Variants in ADAM32 observed in about 807,000 individuals in gnomAD.
The protein encoded by ADAM32 is disintegrin and metalloproteinase domain-containing protein 32.
ADAM32 carries 89 observed loss-of-function variants against 114.9 expected under a neutral mutation model. That is an observed-to-expected ratio of 0.77 (90% CI 0.65 to 0.92). The LOEUF is 0.92. Among genes scored for constraint, ADAM32 ranks in the 40% least tolerant of loss-of-function variants. The pLI is 0.00. For synonymous variants in ADAM32, 285 were observed against 307.5 expected (o/e 0.93, Z 0.77); for missense variants, 870 against 932.8 (o/e 0.93, Z 0.88).
At chr8:39,279,971 G>C (rs147698481) in intron 22 of ADAM32, among the ~76,000 whole-genome samples, 22 of 152,262 alleles carry the variant, frequency 1.4e-4, no homozygotes, top group East Asian at 1.4e-3. Flanking sequence ...TCAGATTTGC[G>C]AGTAGTGGAA....
At chr8:39,115,223 G>C (rs1180876393) in intron 1 of ADAM32, among the ~76,000 whole-genome samples, 1 of 151,988 alleles carries the variant, frequency 6.6e-6, no homozygotes, top group African/African-American at 2.4e-5. Context: ...TATTCCCTTG[G>C]GTATATACTC....
intron 16 of ADAM32, among the ~76,000 whole-genome samples, chr8:39,245,046 A>G (rs747532185): frequency 3.9e-5 from 6 of 152,212 alleles, no homozygotes; most frequent in Non-Finnish European, 8.8e-5. Flanking sequence ...TAGCAAAAAT[A>G]TAATCAGCAG....
chr8:39,175,914 G>T (rs961927062), intron 10 of ADAM32, among the ~76,000 whole-genome samples: 5 of 152,024 alleles, frequency 3.3e-5, no homozygotes, highest in African/African-American at 1.2e-4. Context: ...GTCTTGGAAG[G>T]GTGTTATGTG....
chr8:39,281,291 C>A, intron 23 of ADAM32, 117 bp downstream of exon 23: 1 of 374,046 alleles, frequency 2.7e-6, no homozygotes, highest in South Asian at 7.7e-5. Flanking sequence ...TCGATAAAGT[C>A]TACACCAAAC....
At chr8:39,189,034 T>C (rs944634606) in intron 11 of ADAM32, among the ~76,000 whole-genome samples, 14 of 152,174 alleles carry the variant, frequency 9.2e-5, no homozygotes, top group Non-Finnish European at 1.8e-4. Context: ...TTAATTAGTG[T>C]ACACACTTTA....
chr8:39,218,616 AG>A (rs572730651), intron 12 of ADAM32, among the ~76,000 whole-genome samples: 121 of 151,936 alleles, frequency 8.0e-4, no homozygotes, highest in Middle Eastern at 3.2e-3. Context: ...TTTTTCCCAT[AG>A]GCTAAGGACC....
At chr8:39,229,783 A>G (rs551356089) in intron 14 of ADAM32, among the ~76,000 whole-genome samples, 12 of 152,302 alleles carry the variant, frequency 7.9e-5, no homozygotes, top group African/African-American at 2.6e-4. Context: ...ACAGCACCAG[A>G]CAGTCATCGA....
At chr8:39,257,537 A>G (rs1811730237) in intron 19 of ADAM32, among the ~76,000 whole-genome samples, 194 bp downstream of exon 19, 1 of 152,104 alleles carries the variant, frequency 6.6e-6, no homozygotes, top group Non-Finnish European at 1.5e-5. Context: ...AGTGTAATTT[A>G]CATAGTTTGC....
At chr8:39,205,155 G>C (rs574938899) in intron 11 of ADAM32, among the ~76,000 whole-genome samples, 2 of 152,220 alleles carry the variant, frequency 1.3e-5, no homozygotes. Flanking sequence ...CTCCAAAGCT[G>C]TCAGACAGGG....
rs541401129 is a variant in ADAM32, at chr8:39,223,172, A to G, written c.1459A>G (p.Lys487Glu). Residue 487 changes from lysine to glutamate, a missense_variant, in exon 14 of 25, where the codon AAG becomes GAG. By Grantham distance (56) the Lys-to-Glu change is moderately conservative. Transcript: ENST00000379907. ...CAATGGACTTTCATGCAAAAATAAT[A>G]AGTTTATTTGTTATGACGGAGACTG... Reference protein sequence around the residue: ...LINGLSCKNNKFICYDGDCHD... With the variant: ...LINGLSCKNNEFICYDGDCHD... 1.6e-5 allele frequency: 25 copies of G among 1,601,122 alleles called. 1 individual carries two copies. In the South Asian group the frequency reaches 2.6e-4, roughly 17 times the overall value.
rs10094718 is a variant in ADAM32, at chr8:39,272,190, G to A, written c.2201+1276G>A. Among the ~76,000 whole-genome samples the A allele has an allele frequency of 5.5e-3, 828 of 151,330 alleles. 3 individuals are homozygous for A. The highest frequency in any genetic ancestry group is 0.019 in the African/African-American group (769 of 41,266). Reference sequence around the variant, plus strand: ...GAATAGGGACAAAATGCAATTTATTGATGATTAAAAGAACAGAACAATTAG... The same window carrying A: ...GAATAGGGACAAAATGCAATTTATTAATGATTAAAAGAACAGAACAATTAG... On this transcript the variant is annotated intron_variant, in intron 20 of 24. Coordinates refer to ENST00000379907, the MANE Select transcript of ADAM32 (RefSeq NM_145004.7).
At chr8:39,261,576 G>C (rs1325361764) in intron 19 of ADAM32, among the ~76,000 whole-genome samples, 1 of 152,158 alleles carries the variant, frequency 6.6e-6, no homozygotes, top group African/African-American at 2.4e-5. Flanking sequence ...ATACCCAGTG[G>C]TGTGATTGCT....
chr8:39,108,387 T>C (rs1056058783), intron 1 of ADAM32, among the ~76,000 whole-genome samples: 9 of 152,214 alleles, frequency 5.9e-5, no homozygotes, highest in African/African-American at 2.2e-4. Flanking sequence ...CTCCAGATCG[T>C]AGTTCTCCAG....
intron 10 of ADAM32, among the ~76,000 whole-genome samples, chr8:39,172,339 G>GT (rs1554605843): frequency 6.6e-6 from 1 of 151,816 alleles, no homozygotes; most frequent in East Asian, 1.9e-4. Context: ...TTTCTTCAGC[G>GT]TTTAAGTTCT....
intron 2 of ADAM32, among the ~76,000 whole-genome samples, chr8:39,122,174 T>C (rs1047906543): frequency 6.6e-6 from 1 of 152,136 alleles, no homozygotes; most frequent in Non-Finnish European, 1.5e-5. Flanking sequence ...TTGGAATTGA[T>C]GCTAGAATGA....
intron 16 of ADAM32, 135 bp from the exon 17 acceptor site, chr8:39,245,948 A>C (rs1036285708): frequency 1.5e-6 from 1 of 666,478 alleles, no homozygotes; most frequent in Non-Finnish European, 2.6e-6. Context: ...TCTGGAATGC[A>C]GCAAAAGCAG....
intron 17 of ADAM32, among the ~76,000 whole-genome samples, chr8:39,252,298 A>G (rs931921189): frequency 6.6e-6 from 1 of 151,662 alleles, no homozygotes; most frequent in African/African-American, 2.4e-5. Context: ...TATTAAAAGA[A>G]AGTGGGAAAA....
At chr8:39,127,690 T>A (rs1470459001) in intron 2 of ADAM32, among the ~76,000 whole-genome samples, 1 of 152,182 alleles carries the variant, frequency 6.6e-6, no homozygotes, top group Non-Finnish European at 1.5e-5. Context: ...AGTTCTGCCC[T>A]GATTTTGGTT....
intron 23 of ADAM32, among the ~76,000 whole-genome samples, chr8:39,281,565 C>T (rs1037790073): frequency 6.6e-6 from 1 of 152,136 alleles, no homozygotes; most frequent in African/African-American, 2.4e-5. Flanking sequence ...TCAATGTGAA[C>T]AACTGAGCGA....
Sources: allele counts gnomAD v4.1 joint callset (sites outside exome capture counted in the v4.1 genomes callset), GRCh38; gene constraint gnomAD v4.1.1; transcripts MANE v1.5; gene names NCBI Gene and HGNC (gene_info 2026-07-23, HGNC 2026-07-21).